Variants in VCL observed in about 807,000 individuals in gnomAD.
VCL encodes vinculin, also known as epididymis luminal protein 114.
A neutral mutation model predicts 125.7 loss-of-function variants in VCL; 47 were observed. The observed-to-expected ratio is 0.37, with a 90% CI of 0.30 to 0.48. The LOEUF (loss-of-function observed/expected upper bound fraction) is 0.48. VCL is among the 20% of genes least tolerant of loss of function. The pLI, the probability that VCL is intolerant of heterozygous loss-of-function variation, is 0.99. For synonymous variants in VCL, 458 were observed against 514.6 expected (o/e 0.89, Z 1.49); for missense variants, 1,069 against 1,455.5 (o/e 0.73, Z 4.32).
chr10:74,051,278 C>T (rs1235884375), intron 2 of VCL, among the ~76,000 whole-genome samples: 1 of 152,072 alleles, frequency 6.6e-6, no homozygotes, highest in Admixed American at 6.6e-5. Context: ...GCTCTGTCAT[C>T]CAGGCTGGAG....
chr10:74,115,416 A>ATAAG (rs1026433134), intron 21 of VCL, among the ~76,000 whole-genome samples: 4 of 151,384 alleles, frequency 2.6e-5, no homozygotes, highest in South Asian at 2.1e-4. Context: ...AAATAAATAA[A>ATAAG]TAAGTAAATA....
At position 74,025,012 on chromosome 10, in the gene VCL, C is replaced by CATTTT. The variant is rs531005866; in HGVS notation, c.169-18052_169-18048dup. The stretch of plus-strand genomic sequence containing the variant: ...ATTAGACATAATTGAATCCCACTCT[C>CATTTT]ATTTTATTTTATTTTATTTTATTAC... On this transcript the variant is annotated intron_variant, in intron 1 of 21. Transcript: ENST00000211998. Among the ~76,000 whole-genome samples, 70 of 152,226 alleles carry CATTTT rather than the reference C, an allele frequency of 4.6e-4. 1 individual carries two copies. The highest frequency in any genetic ancestry group is 1.4e-3 in the African/African-American group (58 of 41,546).
chr10:74,117,055 T>C (rs1390716746), intron 21 of VCL, among the ~76,000 whole-genome samples: 1 of 152,220 alleles, frequency 6.6e-6, no homozygotes, highest in Non-Finnish European at 1.5e-5. Flanking sequence ...GTGATTTCAG[T>C]CTTATAAGTT....
intron 1 of VCL, among the ~76,000 whole-genome samples, chr10:74,036,764 G>A (rs1840987430): frequency 6.6e-6 from 1 of 151,564 alleles, no homozygotes; most frequent in African/African-American, 2.4e-5. Context: ...TTGCAAAGTT[G>A]TAGTCTACAT....
chr10:74,117,581 G>T (rs1419914408), intron 21 of VCL, among the ~76,000 whole-genome samples: 2 of 151,412 alleles, frequency 1.3e-5, no homozygotes, highest in African/African-American at 4.9e-5. Flanking sequence ...TGAGCCCAGG[G>T]GGCAGAGGCT....
At chr10:74,056,269 T>C (rs1205516081) in intron 2 of VCL, among the ~76,000 whole-genome samples, 1 of 151,710 alleles carries the variant, frequency 6.6e-6, no homozygotes, top group Non-Finnish European at 1.5e-5. Context: ...TCCCTTGAAA[T>C]GTTTTGAATG....
At chr10:74,114,408 CGTGTGTGTGTGTGTGTGT>C in intron 20 of VCL, 21 bp downstream of exon 20, 1 of 1,451,332 alleles carries the variant, frequency 6.9e-7, no homozygotes, top group Non-Finnish European at 9.5e-7. Context: ...AAAGAGGCTG[CGTGTGTGTGTGTGTGTGT>C]GTGTGTGTGT....
chr10:74,080,403 C>A (rs973309576), intron 6 of VCL, among the ~76,000 whole-genome samples: 2 of 152,074 alleles, frequency 1.3e-5, no homozygotes, highest in African/African-American at 4.8e-5. Context: ...GTTCCTGTTT[C>A]TTAATTTGTA....
Position 74,105,271 on chromosome 10 carries a change from A to G in VCL, c.2352A>G (p.Lys784=). 3 of 1,613,928 alleles carry G rather than the reference A, an allele frequency of 1.9e-6. No individual in the cohort carries two copies. Among genetic ancestry groups the G allele is most frequent in the Non-Finnish European group, 1.7e-6 (2 of 1,180,026 alleles). The change falls in exon 16 of 22, where the codon AAA becomes AAG. Residue 784 remains lysine (K), a synonymous_variant. Transcript: ENST00000211998. ...ATCCCAAGTTCCGTGAGGCTGTGAA[A>G]GCTGCCTCTGATGAATTGAGCAAAA... ...SEDPKFREAV[K]AASDELSKTI...
At chr10:74,089,079 G>T in intron 8 of VCL, 117 bp from the exon 9 acceptor site, 1 of 1,463,836 alleles carries the variant, frequency 6.8e-7, no homozygotes, top group East Asian at 2.4e-5. Context: ...CAGATTTACT[G>T]GGAAAAAGGA....
At chr10:74,087,319 ATTTT>A (rs376480908) in intron 8 of VCL, among the ~76,000 whole-genome samples, 3,551 of 130,768 alleles carry the variant, frequency 0.027, 54 homozygotes, top group South Asian at 0.038. Context: ...TTATTTATTT[ATTTT>A]TTTTTTTAGG....
chr10:74,019,212 A>G (rs1840614936), intron 1 of VCL, among the ~76,000 whole-genome samples: 1 of 152,218 alleles, frequency 6.6e-6, no homozygotes, highest in African/African-American at 2.4e-5. Context: ...TGGATGTTAG[A>G]AAACAGAGAA....
In VCL at chr10:74,114,887, G is replaced by A. The variant is rs988135144; in HGVS notation, c.3246G>A (p.Glu1082=). 6.3e-7 allele frequency: 1 copy of A among 1,594,692 alleles called. No individual in the cohort carries two copies. Among genetic ancestry groups the A allele is most frequent in the African/African-American group, 1.3e-5 (1 of 74,514 alleles). Residue 1082 remains glutamate, a synonymous_variant, in exon 21 of 22, where the codon GAG becomes GAA. Transcript: ENST00000211998. ...TGGGCCGGACCAACATCAGTGATGA[G>A]GAGTCTGAGCAGGTATGTGGCAGCT... is the stretch of plus-strand genomic sequence containing the variant. ...TMLGRTNISD[E]ESEQATEMLV...
intron 11 of VCL, among the ~76,000 whole-genome samples, chr10:74,095,271 A>C (rs1478804218): frequency 2.0e-5 from 3 of 152,174 alleles, no homozygotes; most frequent in Non-Finnish European, 4.4e-5. Flanking sequence ...ATTTTAAAAG[A>C]TAGTGAAATA....
chr10:74,024,906 G>GTGTAC (rs564311708), intron 1 of VCL, among the ~76,000 whole-genome samples: 63 of 152,320 alleles, frequency 4.1e-4, no homozygotes, highest in South Asian at 1.7e-3. Context: ...TGCCCATTGT[G>GTGTAC]TACTTGAAGT....
chr10:74,105,158 C>A lies in VCL; in HGVS notation c.2239C>A (p.Gln747Lys). The part of the protein sequence containing the change: ...CKVAMANIQP[Q>K]MLVAGATSIA... The stretch of plus-strand genomic sequence containing the variant: ...GGTAGCTATGGCCAACATTCAGCCT[C>A]AGATGCTGGTTGCTGGGGCAACCAG... Residue 747 changes from glutamine to lysine, a missense_variant, in exon 16 of 22, where the codon CAG becomes AAG. Gln to Lys is a moderately conservative substitution (Grantham distance 53). Around this residue, in one of 6 missense-constraint regions of VCL, gnomAD observed 760 missense variants for 928.9 expected, o/e 0.82. Coordinates refer to ENST00000211998, the MANE Select transcript of VCL (RefSeq NM_014000.3). 6.2e-7 allele frequency: 1 copy of A among 1,614,206 alleles called. No individual in the cohort carries two copies.
intron 1 of VCL, among the ~76,000 whole-genome samples, chr10:74,039,302 C>T (rs372639410): frequency 6.7e-5 from 10 of 149,964 alleles, no homozygotes; most frequent in East Asian, 4.0e-4. Context: ...ATATTTCTTC[C>T]GTAAAAAGGT....
chr10:74,013,946 A>G lies in VCL; in HGVS notation c.168+15571A>G, dbSNP rs556869636. Among the ~76,000 whole-genome samples, 6 of 152,366 alleles carry G rather than the reference A, an allele frequency of 3.9e-5. No homozygotes were observed. In the East Asian group the frequency reaches 1.2e-3, roughly 29 times the overall value. On this transcript the variant is annotated intron_variant, in intron 1 of 21. Coordinates refer to ENST00000211998, the MANE Select transcript of VCL (RefSeq NM_014000.3). ...GCATAGCTTCTAACTTTTATTCAAC[A>G]AGGCAAAATGCCAATGAAAGCTTTC...
At chr10:73,999,242 G>C (rs1378867132) in intron 1 of VCL, among the ~76,000 whole-genome samples, 2 of 152,202 alleles carry the variant, frequency 1.3e-5, no homozygotes, top group Non-Finnish European at 2.9e-5. Context: ...TGTTGGGAGA[G>C]GCCTGTGGAA....
Sources: gnomAD v4.1 joint callset for allele counts (sites outside exome capture counted in the v4.1 genomes callset) on GRCh38, gnomAD v4.1.1 for gene constraint, gnomAD v4.1.1 regional missense constraint, MANE v1.5 for transcripts, NCBI Gene and HGNC (gene_info 2026-07-23, HGNC 2026-07-21) for gene names.